Variants in MSN observed in about 807,000 individuals in gnomAD.
MSN encodes moesin.
A neutral mutation model predicts 48.0 loss-of-function variants in MSN; 2 were observed. The ratio of observed to expected loss-of-function variants is 0.04; its 90% CI spans 0.02 to 0.13. The LOEUF (loss-of-function observed/expected upper bound fraction) is 0.13. MSN is among the 10% of genes least tolerant of loss of function. The probability of loss-of-function intolerance (pLI) is 1.00; values close to 1 mark genes in which losing one functional copy is unlikely to be tolerated. For missense variants in MSN, 267 were observed against 470.1 expected (o/e 0.57, Z 3.99); for synonymous variants, 146 against 166.9 (o/e 0.87, Z 0.97).
At chrX:65,595,986 C>T (rs1031685892) in intron 1 of MSN, among the ~76,000 whole-genome samples, 4 of 111,627 alleles carry the variant, frequency 3.6e-5, no homozygotes, top group Non-Finnish European at 5.6e-5. Context: ...GTTGTACAGT[C>T]GTTGTGATAG....
At chrX:65,657,584 A>G (rs2070791055) in intron 1 of MSN, among the ~76,000 whole-genome samples, 1 of 111,581 alleles carries the variant, frequency 9.0e-6, no homozygotes, top group Admixed American at 9.5e-5. Flanking sequence ...TTCCAGCTCT[A>G]TCAGGTGAAA....
intron 1 of MSN, among the ~76,000 whole-genome samples, chrX:65,648,281 G>C (rs904322922): frequency 2.7e-5 from 3 of 112,106 alleles, no homozygotes; most frequent in Non-Finnish European, 5.6e-5. Context: ...TGGGAGGCGC[G>C]GTGGCTCACG....
At chrX:65,641,549 AGTATATATAT>A (rs1485457093) in intron 1 of MSN, among the ~76,000 whole-genome samples, 22 of 32,562 alleles carry the variant, frequency 6.8e-4, no homozygotes, top group African/African-American at 2.3e-3. Context: ...AAAAAAGTGA[AGTATATATAT>A]ATATATATAT....
rs772615370 is a variant in MSN at position 65,739,751 on chromosome X, A to G, written c.1592A>G (p.Asn531Ser). The G allele has an allele frequency of 4.1e-6, 5 of 1,208,418 alleles. No homozygotes were observed. The African/African-American group carries it at 5.3e-5, about 13-fold the overall frequency. The part of the protein sequence containing the change: ...HLKALTSELA[N>S]ARDESKKTAN... ...CAGGCCCTCACTTCGGAGCTGGCCA[A>G]TGCCAGAGATGAGTCCAAGAAGACT... The change falls in exon 13 of 13, where the codon AAT (asparagine) becomes AGT (serine). Residue 531 changes from asparagine (N) to serine (S), a missense_variant. Asn to Ser is a conservative substitution (Grantham distance 46). Around this residue, in one of 5 missense-constraint regions of MSN, gnomAD observed 48 missense variants for 115.5 expected, o/e 0.42. Transcript: ENST00000360270.
intron 12 of MSN, 27 bp downstream of exon 12, chrX:65,739,221 G>A: frequency 8.7e-7 from 1 of 1,151,294 alleles, no homozygotes; most frequent in Non-Finnish European, 1.2e-6. Context: ...AAGGGGCAAG[G>A]AAACTATATG....
intron 1 of MSN, among the ~76,000 whole-genome samples, chrX:65,710,295 T>G (rs2071401129): frequency 1.8e-5 from 2 of 112,177 alleles, no homozygotes; most frequent in African/African-American, 6.5e-5. Flanking sequence ...AGTTTTTGTG[T>G]TTTTCAGTAA....
chrX:65,633,167 C>CA (rs775522841), intron 1 of MSN, among the ~76,000 whole-genome samples: 1 of 110,892 alleles, frequency 9.0e-6, no homozygotes, highest in Non-Finnish European at 1.9e-5. Flanking sequence ...CTACTTGTTA[C>CA]AAAAAAAGAG....
At chrX:65,685,662 C>T (rs1256050289) in intron 1 of MSN, among the ~76,000 whole-genome samples, 1 of 111,857 alleles carries the variant, frequency 8.9e-6, no homozygotes, top group African/African-American at 3.3e-5. Context: ...GTGGTATGAT[C>T]TTGGCTCACG....
intron 1 of MSN, among the ~76,000 whole-genome samples, chrX:65,621,116 C>T (rs749025354): frequency 9.1e-6 from 1 of 109,977 alleles, no homozygotes; most frequent in Admixed American, 9.7e-5. Flanking sequence ...GGGGTTTCAC[C>T]GTGTTAGCCA....
intron 1 of MSN, among the ~76,000 whole-genome samples, chrX:65,651,362 T>C (rs1368318326): frequency 9.5e-6 from 1 of 105,155 alleles, no homozygotes; most frequent in Non-Finnish European, 1.9e-5. Flanking sequence ...AATTAAGATA[T>C]GGATATGTAT....
chrX:65,726,779 C>CA (rs970225472), intron 2 of MSN, among the ~76,000 whole-genome samples: 1 of 111,080 alleles, frequency 9.0e-6, no homozygotes, highest in Non-Finnish European at 1.9e-5. Flanking sequence ...ATCCTTCTCC[C>CA]AAAAAACAAA....
intron 1 of MSN, among the ~76,000 whole-genome samples, chrX:65,620,340 C>G (rs1263954392): frequency 8.8e-6 from 1 of 113,003 alleles, no homozygotes; most frequent in Non-Finnish European, 1.9e-5. Context: ...TCTCAGAGTG[C>G]TGTGCTAGCA....
At chrX:65,607,399 A>G (rs943560334) in intron 1 of MSN, among the ~76,000 whole-genome samples, 1 of 111,781 alleles carries the variant, frequency 8.9e-6, no homozygotes, top group African/African-American at 3.3e-5. Context: ...ACCAAGCCTG[A>G]TATAACCCCG....
At chrX:65,694,149 AGAGTAT>A (rs1341869614) in intron 1 of MSN, among the ~76,000 whole-genome samples, 2 of 111,169 alleles carry the variant, frequency 1.8e-5, no homozygotes, top group Non-Finnish European at 3.8e-5. Context: ...AAAGAGCTCA[AGAGTAT>A]GAGTATATCT....
intron 1 of MSN, among the ~76,000 whole-genome samples, chrX:65,605,677 T>A (rs1387113276): frequency 9.0e-6 from 1 of 111,611 alleles, no homozygotes; most frequent in African/African-American, 3.3e-5. Context: ...CTCCTTCTCC[T>A]ACTACTCACT....
intron 2 of MSN, among the ~76,000 whole-genome samples, chrX:65,721,320 A>T (rs1424927820): frequency 8.9e-6 from 1 of 112,461 alleles, no homozygotes. Flanking sequence ...GCCTCTCAGT[A>T]CTTTCCTTTC....
intron 1 of MSN, among the ~76,000 whole-genome samples, chrX:65,653,584 AAC>A (rs1256719110): frequency 1.8e-5 from 2 of 109,754 alleles, no homozygotes; most frequent in African/African-American, 6.6e-5. Flanking sequence ...TAGGCCGAAC[AAC>A]ACACACACAA....
chrX:65,696,778 G>C (rs2071246571), intron 1 of MSN, among the ~76,000 whole-genome samples: 1 of 111,409 alleles, frequency 9.0e-6, no homozygotes, highest in South Asian at 3.8e-4. Flanking sequence ...TGGAGGGAAA[G>C]ATGTGGCTTT....
At chrX:65,635,466 T>C (rs1200623042) in intron 1 of MSN, among the ~76,000 whole-genome samples, 1 of 111,328 alleles carries the variant, frequency 9.0e-6, no homozygotes, top group Non-Finnish European at 1.9e-5. Context: ...CAGCAGACAG[T>C]TAAGGAAAAA....
Sources: allele counts gnomAD v4.1 joint callset (sites outside exome capture counted in the v4.1 genomes callset), GRCh38; gene constraint gnomAD v4.1.1; regional missense constraint gnomAD v4.1.1; transcripts MANE v1.5; gene names NCBI Gene and HGNC (gene_info 2026-07-23, HGNC 2026-07-21).